Variants in BIRC6 observed in about 807,000 individuals in gnomAD.
BIRC6 encodes baculoviral IAP repeat containing 6.
BIRC6 carries 98 observed loss-of-function variants against 503.3 expected under a neutral mutation model. The ratio of observed to expected loss-of-function variants is 0.19; its 90% CI spans 0.17 to 0.23. The LOEUF (loss-of-function observed/expected upper bound fraction) is 0.23, where lower values mean the gene tolerates loss of function less well. BIRC6 is among the 10% of genes least tolerant of loss of function. BIRC6 has a pLI of 1.00. For missense variants in BIRC6, 5,360 were observed against 5,806.0 expected, an observed-to-expected ratio of 0.92 and a Z score of 2.50; for synonymous variants, 2,240 against 2,078.7, an observed-to-expected ratio of 1.08 and a Z score of -2.11.
chr2:32,445,681 A>G lies in BIRC6; in HGVS notation c.4484+13A>G, dbSNP rs1038150717. ...TACTTCAGACAAGGTATTTTAGTAT[A>G]TCTAATGACTAATAATAGGCGTCTC... On this transcript the variant is annotated intron_variant, in intron 21 of 73. Coordinates refer to ENST00000421745, the MANE Select transcript of BIRC6 (RefSeq NM_016252.4). 1.3e-5 allele frequency: 19 copies of G among 1,494,678 alleles called. No individual in the cohort carries two copies. The highest frequency in any genetic ancestry group is 1.7e-5 in the Non-Finnish European group (19 of 1,116,572). 92.6% of individuals were successfully genotyped at this position (1,494,678 alleles called of 1,614,324 possible). A position where few individuals can be genotyped will look rare whatever the true frequency, so the allele number is the denominator to read the frequency against.
At chr2:32,459,087 A>G (rs969630374) in intron 23 of BIRC6, among the ~76,000 whole-genome samples, 6 of 151,438 alleles carry the variant, frequency 4.0e-5, no homozygotes, top group Admixed American at 3.9e-4. Context: ...TGATTTTCTA[A>G]TTTTTTTTTA....
At chr2:32,450,722 A>G (rs1036007676) in intron 22 of BIRC6, among the ~76,000 whole-genome samples, 5 of 152,290 alleles carry the variant, frequency 3.3e-5, no homozygotes, top group African/African-American at 1.2e-4. Flanking sequence ...CTCGCAGACA[A>G]CAAAATCTGT....
intron 60 of BIRC6, 110 bp from the exon 61 acceptor site, chr2:32,531,244 TG>T (rs1015596493): frequency 8.3e-5 from 71 of 851,294 alleles, no homozygotes; most frequent in Admixed American, 1.5e-4. Flanking sequence ...TGATGTTTTG[TG>T]CTCTTTTTTG....
At chr2:32,469,314 A>G in intron 29 of BIRC6, 81 bp from the exon 30 acceptor site, 5 of 1,003,018 alleles carry the variant, frequency 5.0e-6, no homozygotes, top group Non-Finnish European at 5.8e-6. Flanking sequence ...AGAAAAGAGG[A>G]AAGTGTATTT....
chr2:32,510,433 AT>A, intron 52 of BIRC6, 92 bp from the exon 53 acceptor site: 1 of 777,888 alleles, frequency 1.3e-6, no homozygotes, highest in Non-Finnish European at 2.2e-6. Context: ...TGGAAGCCTC[AT>A]TTTTAATGAA....
chr2:32,609,289 G>A (rs928200490), intron 72 of BIRC6, among the ~76,000 whole-genome samples: 2 of 151,172 alleles, frequency 1.3e-5, no homozygotes, highest in African/African-American at 4.9e-5. Flanking sequence ...GTGGCTCTGT[G>A]TGTGTGTGTG....
intron 9 of BIRC6, among the ~76,000 whole-genome samples, chr2:32,413,244 G>A (rs1469789167): frequency 2.7e-5 from 4 of 150,054 alleles, no homozygotes; most frequent in Non-Finnish European, 5.9e-5. Context: ...GCAATGGTGC[G>A]GTCTTGGCTC....
chr2:32,594,121 C>A, intron 67 of BIRC6, 61 bp downstream of exon 67: 1 of 1,509,630 alleles, frequency 6.6e-7, no homozygotes, highest in Non-Finnish European at 9.0e-7. Context: ...CATTTACTTA[C>A]TGAAACCTGC....
chr2:32,490,218 A>T, intron 43 of BIRC6, 67 bp downstream of exon 43: 1 of 1,344,764 alleles, frequency 7.4e-7, no homozygotes, highest in Admixed American at 1.7e-5. Flanking sequence ...TTGGATTCTT[A>T]AAACAGAGTT....
chr2:32,463,237 T>C lies in BIRC6; in HGVS notation c.4797T>C (p.Ser1599=). 6.2e-7 allele frequency: 1 copy of C among 1,613,556 alleles called. No homozygotes were observed. Among genetic ancestry groups the C allele is most frequent in the Non-Finnish European group, 8.5e-7 (1 of 1,179,704 alleles). ...GVTPAVGGLS[S]GTVGEASTAL... ...CTCCTGCAGTAGGTGGACTATCATC[T>C]GGGACAGTTGGGGAAGCCTCGACAG... The change falls in exon 24 of 74, where the codon TCT becomes TCC. Residue 1599 remains serine (S), a synonymous_variant. Coordinates refer to ENST00000421745, the MANE Select transcript of BIRC6 (RefSeq NM_016252.4).
At chr2:32,440,465 T>C (rs1158611322) in intron 16 of BIRC6, among the ~76,000 whole-genome samples, 1 of 152,176 alleles carries the variant, frequency 6.6e-6, no homozygotes, top group African/African-American at 2.4e-5. Context: ...AATTGACTTA[T>C]CTTGGATTTC....
rs1156762263 is a variant in BIRC6 at position 32,371,203 on chromosome 2, G to A, written c.326-6385G>A. On this transcript the variant is annotated intron_variant, in intron 1 of 73. Transcript: ENST00000421745. Reference sequence around the variant, plus strand: ...ACCACTCCAGCCTGGGCAACAGAGTGAGACCCTGTCTCAAAAAAAAAAAAA... The same window carrying A: ...ACCACTCCAGCCTGGGCAACAGAGTAAGACCCTGTCTCAAAAAAAAAAAAA... 7.6e-5 allele frequency among the ~76,000 whole-genome samples: 8 copies of A among 105,814 alleles called. No homozygotes were observed. The East Asian group carries it at 1.6e-3, about 21-fold the overall frequency. The allele number at this position is 105,814 out of a possible 152,430, so 69.4% of individuals were successfully genotyped here.
At position 32,617,941 on chromosome 2, in the gene BIRC6, C is replaced by G; in HGVS notation, c.*37C>G. 3 of 1,568,800 alleles carry G rather than the reference C, an allele frequency of 1.9e-6. No individual in the cohort carries two copies. Among genetic ancestry groups the G allele is most frequent in the Middle Eastern group, 1.7e-4 (1 of 5,880 alleles). ...GTGGACTTCATAGACACAAAGGCTT[C>G]GAAGCACAAGCCAAATATGTCAATA... On this transcript the variant is annotated 3_prime_UTR_variant, in exon 74 of 74. Coordinates refer to ENST00000421745, the MANE Select transcript of BIRC6 (RefSeq NM_016252.4).
At chr2:32,545,561 TATTA>T in intron 62 of BIRC6, 78 bp from the exon 63 acceptor site, 1 of 1,144,276 alleles carries the variant, frequency 8.7e-7, no homozygotes, top group African/African-American at 1.5e-5. Flanking sequence ...ACAGTGTCAT[TATTA>T]ATTTATGACC....
At chr2:32,457,484 A>C (rs1288360881) in intron 23 of BIRC6, among the ~76,000 whole-genome samples, 1 of 151,862 alleles carries the variant, frequency 6.6e-6, no homozygotes, top group Non-Finnish European at 1.5e-5. Context: ...CCGTTCTTTT[A>C]GTAATTGTAT....
chr2:32,479,354 G>C, intron 36 of BIRC6, 108 bp from the exon 37 acceptor site: 2 of 1,059,640 alleles, frequency 1.9e-6, no homozygotes, highest in African/African-American at 1.6e-5. Context: ...TTTATAGTTA[G>C]TAGAGCATTT....
intron 23 of BIRC6, among the ~76,000 whole-genome samples, chr2:32,461,071 TCC>T (rs1558790059): frequency 0.03 from 166 of 5,606 alleles, 2 homozygotes; most frequent in African/African-American, 0.045. Flanking sequence ...TCTTCTGTTC[TCC>T]TCTCCTCTCC....
At position 32,413,621 on chromosome 2, in the gene BIRC6, G is replaced by A. The variant is rs187659459; in HGVS notation, c.1478-1148G>A. 3.3e-5 allele frequency among the ~76,000 whole-genome samples: 5 copies of A among 150,332 alleles called. No homozygotes were observed. In the Admixed American group the frequency reaches 3.3e-4, roughly 10 times the overall value. On this transcript the variant is annotated intron_variant, in intron 9 of 73. Transcript: ENST00000421745. Reference sequence around the variant, plus strand: ...GATGTGAGCCACCTGCCTGGCCTAAGTTGAAAATAATTTTGAGTCCCTTGA... The same window carrying A: ...GATGTGAGCCACCTGCCTGGCCTAAATTGAAAATAATTTTGAGTCCCTTGA...
intron 6 of BIRC6, among the ~76,000 whole-genome samples, chr2:32,397,657 T>C (rs1353443863): frequency 2.9e-5 from 4 of 139,834 alleles, no homozygotes; most frequent in African/African-American, 1.1e-4. Context: ...CACACACATA[T>C]ATGTGTATAT....
Sources: gnomAD v4.1 joint callset for allele counts (sites outside exome capture counted in the v4.1 genomes callset) on GRCh38, gnomAD v4.1.1 for gene constraint, MANE v1.5 for transcripts, NCBI Gene and HGNC (gene_info 2026-07-23, HGNC 2026-07-21) for gene names.